NECAB1: variants seen among roughly 807,000 people sequenced by gnomAD.
The protein encoded by NECAB1 is N-terminal EF-hand calcium-binding protein 1.
A neutral mutation model predicts 57.5 loss-of-function variants in NECAB1; 29 were observed. That is an observed-to-expected ratio of 0.50 (90% CI 0.38 to 0.69). NECAB1 has a LOEUF of 0.69. Among genes scored for constraint, NECAB1 ranks in the 30% least tolerant of loss-of-function variants. The probability of loss-of-function intolerance (pLI) is 0.00; values close to 1 mark genes in which losing one functional copy is unlikely to be tolerated. For missense variants in NECAB1, 372 were observed against 413.8 expected (o/e 0.90, Z 0.88); for synonymous variants, 142 against 147.7 (o/e 0.96, Z 0.28).
chr8:90,874,233 C>T (rs1239555141), intron 4 of NECAB1, among the ~76,000 whole-genome samples: 7 of 152,140 alleles, frequency 4.6e-5, no homozygotes, highest in Non-Finnish European at 1.0e-4. Context: ...AGGGGCAGAA[C>T]TTGATTGGCA....
chr8:90,836,603 A>T (rs1812373656), intron 3 of NECAB1, among the ~76,000 whole-genome samples: 1 of 152,342 alleles, frequency 6.6e-6, no homozygotes, highest in African/African-American at 2.4e-5. Context: ...AGATTAAAAT[A>T]AATTTTGACT....
chr8:90,922,486 A>ATTTTTTTTTTTTTTTTTTTTTTTTTTT lies in NECAB1; in HGVS notation c.495-3025_495-3024insTTTTTTTTTTTTTTTTTTTTTTTTTTT, dbSNP rs577951495. On this transcript the variant is annotated intron_variant, in intron 6 of 12. Transcript: ENST00000417640. ...ACCACCAAAGCTGCCAAAAACTTGG[A>ATTTTTTTTTTTTTTTTTTTTTTTTTTT]TTTTTTTTTTTTTTTTTTTTTTTTG... is the stretch of plus-strand genomic sequence containing the variant. Among the ~76,000 whole-genome samples, 107 of 57,508 alleles carry ATTTTTTTTTTTTTTTTTTTTTTTTTTT rather than the reference A, an allele frequency of 1.9e-3. 10 individuals carry two copies. Among genetic ancestry groups the ATTTTTTTTTTTTTTTTTTTTTTTTTTT allele is most frequent in the East Asian group, 7.7e-3 (8 of 1,040 alleles). The allele number at this position is 57,508 out of a possible 152,430, so 37.7% of individuals were successfully genotyped here.
At position 90,924,201 on chromosome 8, in the gene NECAB1, A is replaced by G. The variant is rs146918005; in HGVS notation, c.495-1334A>G. On this transcript the variant is annotated intron_variant, in intron 6 of 12. Transcript: ENST00000417640. ...GAACACAATGGAGCAAATTTTTCAA[A>G]ACAATTGGCAATCTAGAAATCTGTA... 2.3e-3 allele frequency among the ~76,000 whole-genome samples: 350 copies of G among 152,330 alleles called. 2 individuals carry two copies. Among genetic ancestry groups the G allele is most frequent in the African/African-American group, 8.1e-3 (335 of 41,590 alleles).
In NECAB1 at chr8:90,791,890, G is replaced by A. The variant is rs1254396553; in HGVS notation, c.4G>A (p.Glu2Lys). 1 of 1,550,708 alleles carries A rather than the reference G, an allele frequency of 6.4e-7. No homozygotes were observed. Among genetic ancestry groups the A allele is most frequent in the African/African-American group, 1.4e-5 (1 of 73,060 alleles). Residue 2 changes from glutamate to lysine, a missense_variant, in exon 1 of 13, where the codon GAA (glutamate) becomes AAA (lysine). Coordinates refer to ENST00000417640, the MANE Select transcript of NECAB1 (RefSeq NM_022351.5). MEDSQETSPSSN... is the reference protein window; with the variant it reads MKDSQETSPSSN... ...GAGGCCGTCAGGGCTCCCGAGGATG[G>A]AAGATTCCCAGGAGACATCGCCGTC...
At chr8:90,875,388 GGA>G (rs200506482) in intron 4 of NECAB1, among the ~76,000 whole-genome samples, 6,150 of 148,622 alleles carry the variant, frequency 0.041, 438 homozygotes, top group African/African-American at 0.14. Context: ...GGCTGAGACA[GGA>G]GAATGGTGTG....
chr8:90,869,908 C>A (rs955734238), intron 3 of NECAB1, among the ~76,000 whole-genome samples: 2 of 152,098 alleles, frequency 1.3e-5, no homozygotes, highest in African/African-American at 4.8e-5. Flanking sequence ...CTTTCTGTCT[C>A]CACCCAAATC....
intron 3 of NECAB1, among the ~76,000 whole-genome samples, chr8:90,843,404 A>G (rs1218176872): frequency 2.6e-5 from 4 of 152,254 alleles, no homozygotes; most frequent in African/African-American, 9.6e-5. Flanking sequence ...CAAAAGAAAG[A>G]GAAGGATCTT....
intron 10 of NECAB1, 34 bp from the exon 11 acceptor site, chr8:90,949,773 A>T: frequency 7.9e-7 from 1 of 1,272,564 alleles, no homozygotes; most frequent in Non-Finnish European, 1.1e-6. Flanking sequence ...TTTAATTTCC[A>T]GTAGCTAATT....
chr8:90,898,180 G>A (rs1809407242), intron 5 of NECAB1, among the ~76,000 whole-genome samples: 1 of 152,064 alleles, frequency 6.6e-6, no homozygotes, highest in Admixed American at 6.6e-5. Flanking sequence ...TTGAGTGATA[G>A]TGGAAAAAAG....
chr8:90,852,621 G>T (rs1812706474), intron 3 of NECAB1, among the ~76,000 whole-genome samples: 1 of 152,174 alleles, frequency 6.6e-6, no homozygotes, highest in Non-Finnish European at 1.5e-5. Context: ...CCCAGACTCA[G>T]CCAGCAGAGA....
chr8:90,917,316 TG>T (rs1809977161), intron 5 of NECAB1, among the ~76,000 whole-genome samples, 175 bp from the exon 6 acceptor site: 1 of 152,064 alleles, frequency 6.6e-6, no homozygotes, highest in African/African-American at 2.4e-5. Context: ...CATCTCCTGG[TG>T]GGTGGATGAG....
At chr8:90,910,376 T>C (rs185445240) in intron 5 of NECAB1, among the ~76,000 whole-genome samples, 1 of 152,288 alleles carries the variant, frequency 6.6e-6, no homozygotes, top group Admixed American at 6.5e-5. Context: ...CTTAATAATT[T>C]TTTGCTGCTT....
At chr8:90,861,480 C>T (rs1013999590) in intron 3 of NECAB1, among the ~76,000 whole-genome samples, 1 of 152,144 alleles carries the variant, frequency 6.6e-6, no homozygotes, top group African/African-American at 2.4e-5. Context: ...ATAGGCTAGG[C>T]TTTGCAACAC....
At chr8:90,877,971 G>A (rs910008330) in intron 4 of NECAB1, among the ~76,000 whole-genome samples, 22 of 152,000 alleles carry the variant, frequency 1.4e-4, no homozygotes, top group African/African-American at 5.3e-4. Flanking sequence ...TCTGTTAACT[G>A]AGCCATTGCT....
chr8:90,885,767 T>A (rs556164147), intron 5 of NECAB1, among the ~76,000 whole-genome samples: 2 of 152,218 alleles, frequency 1.3e-5, no homozygotes, highest in Non-Finnish European at 2.9e-5. Flanking sequence ...GGTTCTATCA[T>A]GACACAAAAC....
chr8:90,931,736 T>C (rs1810410753), intron 8 of NECAB1, among the ~76,000 whole-genome samples: 1 of 151,976 alleles, frequency 6.6e-6, no homozygotes, highest in African/African-American at 2.4e-5. Flanking sequence ...AAACCCCATC[T>C]CTACTAAAAA....
intron 5 of NECAB1, among the ~76,000 whole-genome samples, chr8:90,887,131 GA>G (rs1809018803): frequency 6.6e-6 from 1 of 152,026 alleles, no homozygotes; most frequent in South Asian, 2.1e-4. Flanking sequence ...ATCCTTTACT[GA>G]TATTACAGCT....
chr8:90,882,363 A>T (rs1178481171), intron 5 of NECAB1, among the ~76,000 whole-genome samples: 1 of 152,070 alleles, frequency 6.6e-6, no homozygotes, highest in Non-Finnish European at 1.5e-5. Context: ...AATATAAGAA[A>T]ATTGGAGCAC....
chr8:90,807,705 T>C (rs1046443736), intron 2 of NECAB1, among the ~76,000 whole-genome samples: 1 of 152,182 alleles, frequency 6.6e-6, no homozygotes. Flanking sequence ...TTTGCAAACA[T>C]TTTTGGGAAA....
Sources: gnomAD v4.1 joint callset for allele counts (sites outside exome capture counted in the v4.1 genomes callset) on GRCh38, gnomAD v4.1.1 for gene constraint, MANE v1.5 for transcripts, NCBI Gene and HGNC (gene_info 2026-07-23, HGNC 2026-07-21) for gene names.